The following SETD1A variants were observed in gnomAD, a reference collection of about 807,000 sequenced individuals.
SETD1A encodes histone-lysine N-methyltransferase SETD1A.
A neutral mutation model predicts 149.9 loss-of-function variants in SETD1A; 29 were observed. That is an observed-to-expected ratio of 0.19 (90% CI 0.14 to 0.26). SETD1A has a LOEUF of 0.26. SETD1A is among the 10% of genes least tolerant of loss of function. SETD1A has a pLI of 1.00. For synonymous variants in SETD1A, 1,141 were observed against 968.5 expected, an observed-to-expected ratio of 1.18 and a Z score of -3.31; for missense variants, 2,109 against 2,353.1, an observed-to-expected ratio of 0.90 and a Z score of 2.15.
Position 30,971,643 on chromosome 16 carries a change from G to T in SETD1A, c.3282G>T (p.Val1094=). Residue 1094 remains valine, a synonymous_variant, in exon 13 of 19, where the codon GTG becomes GTT. Coordinates refer to ENST00000262519, the MANE Select transcript of SETD1A (RefSeq NM_014712.3). ...TGCCCACGCCAGCACCTGTGGAGGT[G>T]CCAGTGCCGGAAAGGGTTGCAGGCT... ...VPVPTPAPVE[V]PVPERVAGSP... is the part of the protein sequence containing the mutation. The T allele has an allele frequency of 6.2e-7, 1 of 1,611,784 alleles. No homozygotes were observed. Among genetic ancestry groups the T allele is most frequent in the Non-Finnish European group, 8.5e-7 (1 of 1,178,428 alleles).
chr16:30,969,642 GA>G lies in SETD1A; in HGVS notation c.2970del (p.Glu991ArgfsTer271). On this transcript the variant is annotated frameshift_variant, in exon 12 of 19. Transcript: ENST00000262519. LOFTEE classifies it high-confidence loss of function. ...GAGGAAGATGAGGAAGATGAAGATC[GA>G]GAGGAAGCTGTGGATACCACAAAGA... The part of the protein sequence containing the change: ...DDEEDEEDED[R>X]EEAVDTTKKE... 6.2e-7 allele frequency: 1 copy of G among 1,614,220 alleles called. No homozygotes were observed. Among genetic ancestry groups the G allele is most frequent in the Non-Finnish European group, 8.5e-7 (1 of 1,180,022 alleles).
Position 30,966,404 on chromosome 16 carries a change from G to A in SETD1A, c.2505+18G>A. The A allele has an allele frequency of 6.3e-7, 1 of 1,587,366 alleles. No homozygotes were observed. Among genetic ancestry groups the A allele is most frequent in the Non-Finnish European group, 8.6e-7 (1 of 1,165,536 alleles). On this transcript the variant is annotated intron_variant, in intron 8 of 18. Coordinates refer to ENST00000262519, the MANE Select transcript of SETD1A (RefSeq NM_014712.3). ...AGGCCAAGGTGAGGCCAGCGCCTGG[G>A]ACCGGGGAGCCCTGGGCTTTGCAGG... is the stretch of plus-strand genomic sequence containing the variant.
chr16:30,968,560 T>C (rs565235958), intron 10 of SETD1A, among the ~76,000 whole-genome samples: 1 of 151,946 alleles, frequency 6.6e-6, no homozygotes, highest in Non-Finnish European at 1.5e-5. Flanking sequence ...CCCAGCACTT[T>C]GGGAGGCCGA....
At chr16:30,960,402 T>G (rs2056034151) in intron 3 of SETD1A, among the ~76,000 whole-genome samples, 1 of 152,250 alleles carries the variant, frequency 6.6e-6, no homozygotes, top group African/African-American at 2.4e-5. Context: ...CCAGGGGTCC[T>G]TGTCATTTGA....
intron 10 of SETD1A, 27 bp downstream of exon 10, chr16:30,967,615 G>A (rs767705490): frequency 3.1e-5 from 50 of 1,597,618 alleles, no homozygotes; most frequent in Middle Eastern, 3.3e-4. Flanking sequence ...ATAAGGAGAA[G>A]GGGTGTGCTG....
intron 9 of SETD1A, 32 bp downstream of exon 9, chr16:30,967,092 TGGGGAG>T (rs2056158845): frequency 7.2e-7 from 1 of 1,392,196 alleles, no homozygotes; most frequent in Non-Finnish European, 9.6e-7. Context: ...TGGGGTAGGG[TGGGGAG>T]AGGGAGAGGG....
chr16:30,958,973 C>T, intron 2 of SETD1A, 92 bp downstream of exon 2: 1 of 1,541,412 alleles, frequency 6.5e-7, no homozygotes, highest in East Asian at 2.3e-5. Context: ...AGCCTGCCTT[C>T]TTGAAAGTGG....
Position 30,966,222 on chromosome 16 carries a change from G to A in SETD1A, c.2341G>A (p.Glu781Lys). The change falls in exon 8 of 19, where the codon GAG becomes AAG. Residue 781 changes from glutamate to lysine, a missense_variant. Glu to Lys is a moderately conservative substitution (Grantham distance 56). This residue lies in a region of SETD1A where 431 missense variants were observed against 388.6 expected (regional missense o/e 1.11). Coordinates refer to ENST00000262519, the MANE Select transcript of SETD1A (RefSeq NM_014712.3). The stretch of plus-strand genomic sequence containing the variant: ...ACCCAGGGAAGAAGCAGAGCTGGCA[G>A]AGGGCAAGACCCTCCCGACAGCAGG... The part of the protein sequence containing the change: ...LPPREEAELA[E>K]GKTLPTAGTV... 1 of 1,613,624 alleles carries A rather than the reference G, an allele frequency of 6.2e-7. No homozygotes were observed. The highest frequency in any genetic ancestry group is 8.5e-7 in the Non-Finnish European group (1 of 1,179,946).
chr16:30,977,158 A>G (rs539499433), intron 13 of SETD1A, among the ~76,000 whole-genome samples: 2 of 152,104 alleles, frequency 1.3e-5, no homozygotes, highest in Non-Finnish European at 2.9e-5. Context: ...GTTGGTCAGG[A>G]TGGTCTCGAT....
At chr16:30,971,931 T>G (rs2056230652) in intron 13 of SETD1A, among the ~76,000 whole-genome samples, 1 of 152,206 alleles carries the variant, frequency 6.6e-6, no homozygotes, top group African/African-American at 2.4e-5. Context: ...AACCCCAGGC[T>G]AAGCTGCATA....
intron 13 of SETD1A, among the ~76,000 whole-genome samples, chr16:30,977,053 T>C (rs1246510046): frequency 2.0e-5 from 3 of 152,108 alleles, no homozygotes; most frequent in African/African-American, 7.2e-5. Context: ...GTTCAAGTGA[T>C]TCTCCTGCCT....
At position 30,983,040 on chromosome 16, in the gene SETD1A, G is replaced by A. The variant is rs2056401527; in HGVS notation, c.4813-595G>A. ...ACTGAGGTGGCTTTTGGCTGGAAAT[G>A]GAAGTTTGGGAGGAGTCCCCACCAC... On this transcript the variant is annotated intron_variant, in intron 17 of 18. Coordinates refer to ENST00000262519, the MANE Select transcript of SETD1A (RefSeq NM_014712.3). The surrounding 1 kb of genome is among the most constrained non-coding windows in gnomAD (Gnocchi z 6.8). Among the ~76,000 whole-genome samples the A allele has an allele frequency of 6.6e-6, 1 of 152,202 alleles. No individual in the cohort carries two copies. The highest frequency in any genetic ancestry group is 1.5e-5 in the Non-Finnish European group (1 of 68,034).
In SETD1A at chr16:30,979,477, AGCCGGGCTGGAGGCCGAG is replaced by A. The variant is rs768707335; in HGVS notation, c.3696_3713del (p.Ala1233_Arg1238del). Reference sequence around the variant, plus strand: ...CGAGGAGGTGTCCCGAGGAGGCCGGAGCCGGGCTGGAGGCCGAGGCCGCCTCACCGAGGAAGAGGAGGC... The same window carrying A: ...CGAGGAGGTGTCCCGAGGAGGCCGGAGCCGCCTCACCGAGGAAGAGGAGGC... On this transcript the variant is annotated inframe_deletion, in exon 14 of 19. Transcript: ENST00000262519. 9.4e-6 allele frequency: 15 copies of A among 1,599,994 alleles called. No homozygotes were observed. Among genetic ancestry groups the A allele is most frequent in the Non-Finnish European group, 1.3e-5 (15 of 1,173,808 alleles).
intron 17 of SETD1A, among the ~76,000 whole-genome samples, chr16:30,982,165 GGTC>G (rs936825657): frequency 3.2e-4 from 48 of 152,212 alleles, no homozygotes; most frequent in African/African-American, 1.2e-3. Context: ...CTGGAGGCAC[GGTC>G]GTCTTGTGAG....
At chr16:30,959,250 C>G in intron 3 of SETD1A, 64 bp downstream of exon 3, 1 of 1,041,726 alleles carries the variant, frequency 9.6e-7, no homozygotes, top group Non-Finnish European at 1.5e-6. Context: ...CGTCTTGGCA[C>G]TATAGCTGAA....
chr16:30,958,469 G>A (rs1021436854), intron 1 of SETD1A: 8 of 477,080 alleles, frequency 1.7e-5, no homozygotes, highest in Non-Finnish European at 3.0e-5. Context: ...GCTAGGGAGA[G>A]CGGGAAGGTA....
intron 13 of SETD1A, among the ~76,000 whole-genome samples, chr16:30,974,804 C>T (rs1010311059): frequency 1.3e-5 from 2 of 151,986 alleles, no homozygotes; most frequent in East Asian, 3.9e-4. Flanking sequence ...GTCAGGAGTT[C>T]GAGACCAGTC....
At chr16:30,964,479 C>T (rs2056105962) in intron 6 of SETD1A, 133 bp from the exon 7 acceptor site, 1 of 1,465,336 alleles carries the variant, frequency 6.8e-7, no homozygotes, top group African/African-American at 1.4e-5. Context: ...TCGGGGAACA[C>T]ACTAGCTAGG....
At chr16:30,967,476 G>T in intron 9 of SETD1A, 25 bp from the exon 10 acceptor site, 2 of 1,609,492 alleles carry the variant, frequency 1.2e-6, no homozygotes, top group Non-Finnish European at 1.7e-6. Context: ...CTCTAAACAG[G>T]CCCCATCTTT....
Sources: gnomAD v4.1 joint callset for allele counts (sites outside exome capture counted in the v4.1 genomes callset) on GRCh38, gnomAD v4.1.1 for gene constraint, gnomAD v4.1.1 regional missense constraint, Gnocchi (gnomAD v3.1) non-coding constraint, MANE v1.5 for transcripts, NCBI Gene and HGNC (gene_info 2026-07-23, HGNC 2026-07-21) for gene names.